MBOAT1: variants seen among roughly 807,000 people sequenced by gnomAD.
The protein encoded by MBOAT1 is membrane bound glycerophospholipid O-acyltransferase 1, also known as membrane-bound glycerophospholipid O-acyltransferase 1.
In MBOAT1, 67 loss-of-function variants were observed where a neutral mutation model predicts 64.4. The observed-to-expected ratio is 1.04, with a 90% CI of 0.85 to 1.27. MBOAT1 has a LOEUF of 1.27. Ranked by LOEUF, MBOAT1 falls within the 50% of genes most tolerant of loss-of-function variation. The pLI is 0.00. For missense variants in MBOAT1, 563 were observed against 604.6 expected, an observed-to-expected ratio of 0.93 and a Z score of 0.72; for synonymous variants, 229 against 218.9, an observed-to-expected ratio of 1.05 and a Z score of -0.41.
At chr6:20,161,354 T>C (rs976813856) in intron 1 of MBOAT1, among the ~76,000 whole-genome samples, 1 of 152,120 alleles carries the variant, frequency 6.6e-6, no homozygotes, top group African/African-American at 2.4e-5. Flanking sequence ...TATTTCATTA[T>C]ATATTACACT....
At chr6:20,152,185 G>A (rs1029837207) in intron 2 of MBOAT1, among the ~76,000 whole-genome samples, 4 of 151,848 alleles carry the variant, frequency 2.6e-5, no homozygotes, top group Non-Finnish European at 5.9e-5. Context: ...AAATTACCTG[G>A]GCATGGTGAT....
chr6:20,109,873 T>C (rs1323703001), intron 11 of MBOAT1, 124 bp from the exon 12 acceptor site: 1 of 930,732 alleles, frequency 1.1e-6, no homozygotes, highest in Admixed American at 3.3e-5. Flanking sequence ...ACATCTGAGT[T>C]GTATTTTCGA....
intron 12 of MBOAT1, among the ~76,000 whole-genome samples, chr6:20,103,637 G>A (rs547244128): frequency 1.3e-5 from 2 of 152,264 alleles, no homozygotes; most frequent in South Asian, 2.1e-4. Flanking sequence ...ATGTTGGTCA[G>A]GCTGGTCTCG....
intron 8 of MBOAT1, among the ~76,000 whole-genome samples, chr6:20,120,729 T>C (rs10484638): frequency 0.17 from 26,008 of 152,058 alleles, 2,519 homozygotes; most frequent in East Asian, 0.42. Flanking sequence ...TCCTAGAACT[T>C]GATTCCACAA....
chr6:20,105,309 T>C (rs1224033760), intron 12 of MBOAT1, among the ~76,000 whole-genome samples: 3 of 152,238 alleles, frequency 2.0e-5, no homozygotes, highest in Admixed American at 1.3e-4. Context: ...TGACATTTCA[T>C]ATTTCTCTAC....
At position 20,201,927 on chromosome 6, in the gene MBOAT1, TA is replaced by T. The variant is rs141884686; in HGVS notation, c.99+10208del. Among the ~76,000 whole-genome samples, 98 of 151,378 alleles carry T rather than the reference TA, an allele frequency of 6.5e-4. 1 individual carries two copies. Among genetic ancestry groups the T allele is most frequent in the Non-Finnish European group, 2.8e-4 (19 of 67,882 alleles). ...CTGTATCTATATAAAATAAAAGCTTTAAAAAAATCAATAAAAAATAAAAATT... is the reference window on the plus strand; with the variant it reads ...CTGTATCTATATAAAATAAAAGCTTTAAAAAATCAATAAAAAATAAAAATT... On this transcript the variant is annotated intron_variant, in intron 1 of 12. Coordinates refer to ENST00000324607, the MANE Select transcript of MBOAT1 (RefSeq NM_001080480.3).
intron 8 of MBOAT1, among the ~76,000 whole-genome samples, chr6:20,123,606 TAAAA>T (rs547305319): frequency 7.3e-6 from 1 of 137,570 alleles, no homozygotes. Flanking sequence ...ACTTTCTACC[TAAAA>T]AAAAAAAAAA....
At chr6:20,157,746 A>C (rs900188014) in intron 1 of MBOAT1, among the ~76,000 whole-genome samples, 7 of 152,200 alleles carry the variant, frequency 4.6e-5, no homozygotes, top group African/African-American at 1.7e-4. Flanking sequence ...CTGTAAAAAA[A>C]AAAACTCATC....
At chr6:20,197,234 G>A (rs1012202765) in intron 1 of MBOAT1, among the ~76,000 whole-genome samples, 2 of 152,014 alleles carry the variant, frequency 1.3e-5, no homozygotes, top group Admixed American at 6.6e-5. Flanking sequence ...TTAGAAACAC[G>A]TGCCTCCAGT....
At chr6:20,177,780 A>G (rs1269380718) in intron 1 of MBOAT1, among the ~76,000 whole-genome samples, 2 of 141,100 alleles carry the variant, frequency 1.4e-5, no homozygotes, top group African/African-American at 5.0e-5. Flanking sequence ...TCTCAAAAAA[A>G]AAAAAAAAAA....
chr6:20,202,617 T>A (rs1359224670), intron 1 of MBOAT1, among the ~76,000 whole-genome samples: 2 of 152,184 alleles, frequency 1.3e-5, no homozygotes, highest in East Asian at 3.8e-4. Context: ...TTTTTTTTTT[T>A]TTGGATAACT....
intron 11 of MBOAT1, among the ~76,000 whole-genome samples, chr6:20,111,590 G>T (rs1054513290): frequency 2.0e-5 from 3 of 151,814 alleles, no homozygotes; most frequent in Admixed American, 1.3e-4. Context: ...AGACACCTGA[G>T]GGAATAATAC....
At chr6:20,124,632 C>T (rs1257064853) in intron 7 of MBOAT1, 32 bp from the exon 8 acceptor site, 2 of 1,604,598 alleles carry the variant, frequency 1.2e-6, no homozygotes, top group African/African-American at 2.7e-5. Context: ...TGTCACCGTG[C>T]AGAAGGCTCA....
At position 20,198,972 on chromosome 6, in the gene MBOAT1, G is replaced by A. The variant is rs1187701384; in HGVS notation, c.99+13164C>T. ...TAACAAGTGGAGGTGTAAACAGACC[G>A]TACCTACATACTAGTGTCAATCACC... On this transcript the variant is annotated intron_variant, in intron 1 of 12. Transcript: ENST00000324607. Among the ~76,000 whole-genome samples, 5 of 152,316 alleles carry A rather than the reference G, an allele frequency of 3.3e-5. No homozygotes were observed. In the East Asian group the frequency reaches 7.7e-4, roughly 23 times the overall value.
chr6:20,143,902 C>T (rs948826400), intron 4 of MBOAT1, among the ~76,000 whole-genome samples: 7 of 152,188 alleles, frequency 4.6e-5, no homozygotes, highest in Non-Finnish European at 8.8e-5. Flanking sequence ...TCAACTCTGC[C>T]ACTGTAGTGC....
intron 1 of MBOAT1, among the ~76,000 whole-genome samples, chr6:20,196,679 G>A (rs1762963460): frequency 6.6e-6 from 1 of 152,084 alleles, no homozygotes; most frequent in Admixed American, 6.5e-5. Flanking sequence ...TGGCCAACAT[G>A]GTGATACCCC....
At chr6:20,182,839 A>G (rs1762547542) in intron 1 of MBOAT1, among the ~76,000 whole-genome samples, 1 of 152,176 alleles carries the variant, frequency 6.6e-6, no homozygotes, top group Admixed American at 6.5e-5. Context: ...ACTCTGGCTG[A>G]CACCTGTGTG....
intron 12 of MBOAT1, among the ~76,000 whole-genome samples, chr6:20,103,879 G>A (rs1162377129): frequency 2.0e-5 from 3 of 152,166 alleles, no homozygotes; most frequent in African/African-American, 4.8e-5. Flanking sequence ...CTAAGTGTAT[G>A]GTGTTTCTAA....
intron 9 of MBOAT1, among the ~76,000 whole-genome samples, chr6:20,117,427 T>C (rs1760358392): frequency 6.6e-6 from 1 of 152,116 alleles, no homozygotes; most frequent in South Asian, 2.1e-4. Flanking sequence ...TAGTGCTGTC[T>C]CAATGCTAAA....
Sources: gnomAD v4.1 joint callset for allele counts (sites outside exome capture counted in the v4.1 genomes callset) on GRCh38, gnomAD v4.1.1 for gene constraint, MANE v1.5 for transcripts, NCBI Gene and HGNC (gene_info 2026-07-23, HGNC 2026-07-21) for gene names.